Variants in CLASP1 observed in about 807,000 individuals in gnomAD.
The protein encoded by CLASP1 is CLIP-associating protein 1.
A neutral mutation model predicts 192.3 loss-of-function variants in CLASP1; 38 were observed. The observed-to-expected ratio is 0.20, with a 90% CI of 0.15 to 0.26. The LOEUF (loss-of-function observed/expected upper bound fraction) is 0.26. CLASP1 is among the 10% of genes least tolerant of loss of function. CLASP1 has a pLI of 1.00. For missense variants in CLASP1, 1,433 were observed against 1,932.5 expected, an observed-to-expected ratio of 0.74 and a Z score of 4.85; for synonymous variants, 691 against 712.8, an observed-to-expected ratio of 0.97 and a Z score of 0.49.
chr2:121,587,077 C>T (rs1439039185), intron 2 of CLASP1, among the ~76,000 whole-genome samples: 1 of 151,960 alleles, frequency 6.6e-6, no homozygotes, highest in Admixed American at 6.6e-5. Context: ...CCTGTCTCAA[C>T]TAAAAATATA....
Position 121,363,162 on chromosome 2 carries a change from A to G in CLASP1, c.4206+10T>C, listed in dbSNP as rs1243303396. 4 of 1,613,746 alleles carry G rather than the reference A, an allele frequency of 2.5e-6. No individual in the cohort carries two copies. The highest frequency in any genetic ancestry group is 3.4e-6 in the Non-Finnish European group (4 of 1,179,840). On this transcript the variant is annotated intron_variant, in intron 37 of 39. Transcript: ENST00000263710. ...TCTGTTCAGCACCCCTGGCCACATG[A>G]CTGACTCACCTCCTTATGGGAGTCT...
At chr2:121,355,283 C>A (rs772480930) in intron 37 of CLASP1, among the ~76,000 whole-genome samples, 1 of 152,160 alleles carries the variant, frequency 6.6e-6, no homozygotes, top group African/African-American at 2.4e-5. Flanking sequence ...CACACCACCA[C>A]GCCTAGCTAA....
chr2:121,647,963 A>G (rs2073483002), intron 1 of CLASP1, among the ~76,000 whole-genome samples: 1 of 152,276 alleles, frequency 6.6e-6, no homozygotes, highest in Admixed American at 6.5e-5. Flanking sequence ...CTGAGATTTC[A>G]GTAACAACTG....
chr2:121,497,585 G>A (rs1002487036), intron 8 of CLASP1, among the ~76,000 whole-genome samples: 2 of 152,290 alleles, frequency 1.3e-5, no homozygotes, highest in South Asian at 2.1e-4. Context: ...AGCACTGCCT[G>A]AGAAAGGAAA....
At chr2:121,416,326 T>C (rs1469763424) in intron 23 of CLASP1, among the ~76,000 whole-genome samples, 2 of 152,184 alleles carry the variant, frequency 1.3e-5, no homozygotes, top group Admixed American at 6.5e-5. Flanking sequence ...CATAACCATA[T>C]ATATTCATAC....
At chr2:121,545,844 G>T (rs1335487480) in intron 2 of CLASP1, among the ~76,000 whole-genome samples, 1 of 151,582 alleles carries the variant, frequency 6.6e-6, no homozygotes, top group African/African-American at 2.4e-5. Context: ...ATCAGAGATG[G>T]TAAAACTGTA....
chr2:121,358,726 A>C (rs1363977335), intron 37 of CLASP1, among the ~76,000 whole-genome samples: 2 of 152,240 alleles, frequency 1.3e-5, no homozygotes, highest in African/African-American at 4.8e-5. Flanking sequence ...TTAACTAGAA[A>C]TGATTTAAAA....
chr2:121,576,547 G>T (rs182955116), intron 2 of CLASP1, among the ~76,000 whole-genome samples: 1 of 152,198 alleles, frequency 6.6e-6, no homozygotes, highest in Non-Finnish European at 1.5e-5. Context: ...ACTTCTCCAA[G>T]GAGCCCCAAT....
intron 2 of CLASP1, among the ~76,000 whole-genome samples, chr2:121,537,404 AAAG>A (rs2095117815): frequency 6.6e-6 from 1 of 151,746 alleles, no homozygotes; most frequent in African/African-American, 2.4e-5. Flanking sequence ...AGAAAAAAAA[AAAG>A]AGAGAGAGAG....
At chr2:121,443,394 T>C (rs1461347554) in intron 19 of CLASP1, among the ~76,000 whole-genome samples, 2 of 152,224 alleles carry the variant, frequency 1.3e-5, no homozygotes, top group Non-Finnish European at 2.9e-5. Flanking sequence ...TAATTTCCCA[T>C]GTAATGTCTT....
At chr2:121,581,521 G>A (rs1325609291) in intron 2 of CLASP1, among the ~76,000 whole-genome samples, 1 of 151,858 alleles carries the variant, frequency 6.6e-6, no homozygotes, top group Non-Finnish European at 1.5e-5. Context: ...TGATCCACCC[G>A]CCTCGGCCTC....
chr2:121,412,203 A>G (rs1007370137), intron 23 of CLASP1, among the ~76,000 whole-genome samples: 1 of 152,200 alleles, frequency 6.6e-6, no homozygotes, highest in African/African-American at 2.4e-5. Flanking sequence ...ACAGAAATGG[A>G]GAAAAATTTA....
intron 7 of CLASP1, chr2:121,504,979 G>A (rs1256778244): frequency 6.6e-6 from 1 of 152,226 alleles, no homozygotes; most frequent in Non-Finnish European, 1.5e-5. Flanking sequence ...TTACATGATT[G>A]TGTTTCTTAT....
At chr2:121,518,776 A>G (rs1256657831) in intron 6 of CLASP1, among the ~76,000 whole-genome samples, 1 of 151,974 alleles carries the variant, frequency 6.6e-6, no homozygotes, top group Non-Finnish European at 1.5e-5. Flanking sequence ...TACTTGGGAC[A>G]CTGAGGCACA....
At chr2:121,356,528 C>T (rs911507121) in intron 37 of CLASP1, among the ~76,000 whole-genome samples, 9 of 152,194 alleles carry the variant, frequency 5.9e-5, no homozygotes, top group African/African-American at 9.6e-5. Context: ...ACTAGCCAAG[C>T]GAGCTTGGGG....
Position 121,451,762 on chromosome 2 carries a change from G to A in CLASP1, c.1445+28C>T, listed in dbSNP as rs528963516. 5 of 1,553,050 alleles carry A rather than the reference G, an allele frequency of 3.2e-6. No individual in the cohort carries two copies. The Admixed American group carries it at 9.6e-5, about 30-fold the overall frequency. On this transcript the variant is annotated intron_variant, in intron 15 of 39. Transcript: ENST00000263710. ...TCACTCTAAAGGCTCAATTCAGAGGGAAAAATGGTTTCAAATCAGATGCTC... is the reference window on the plus strand; with the variant it reads ...TCACTCTAAAGGCTCAATTCAGAGGAAAAAATGGTTTCAAATCAGATGCTC...
intron 7 of CLASP1, chr2:121,505,268 C>A: frequency 6.6e-6 from 1 of 152,232 alleles, no homozygotes; most frequent in South Asian, 2.1e-4. Context: ...TAATTGTGTA[C>A]GAGTCTGCAG....
intron 16 of CLASP1, among the ~76,000 whole-genome samples, chr2:121,449,503 G>A (rs1181850954): frequency 1.3e-5 from 2 of 149,784 alleles, no homozygotes; most frequent in South Asian, 2.1e-4. Flanking sequence ...TTGACACAAA[G>A]TATTTAAAAT....
chr2:121,359,921 C>G (rs1244397864), intron 37 of CLASP1, among the ~76,000 whole-genome samples: 2 of 152,206 alleles, frequency 1.3e-5, no homozygotes, highest in Non-Finnish European at 2.9e-5. Flanking sequence ...ACATTCTGCA[C>G]ATATAGCTTC....
Sources: gnomAD v4.1 joint callset for allele counts (sites outside exome capture counted in the v4.1 genomes callset) on GRCh38, gnomAD v4.1.1 for gene constraint, MANE v1.5 for transcripts, NCBI Gene and HGNC (gene_info 2026-07-23, HGNC 2026-07-21) for gene names.